The following SACS variants were observed in gnomAD, a reference collection of about 807,000 sequenced individuals.
SACS encodes sacsin.
Under a neutral mutation model 348.0 loss-of-function variants are expected in SACS, and 197 were observed. That is an observed-to-expected ratio of 0.57 (90% CI 0.50 to 0.64). SACS has a LOEUF of 0.64. Among genes scored for constraint, SACS ranks in the 30% least tolerant of loss-of-function variants. The probability of loss-of-function intolerance (pLI) is 0.00; values close to 1 mark genes in which losing one functional copy is unlikely to be tolerated. For synonymous variants in SACS, 1,985 were observed against 1,910.6 expected (o/e 1.04, Z -1.02); for missense variants, 4,999 against 5,360.8 (o/e 0.93, Z 2.11).
Position 23,333,401 on chromosome 13 carries a change from G to A in SACS, c.10475C>T (p.Ala3492Val), listed in dbSNP as rs1188730422. Residue 3492 changes from alanine (A) to valine (V), a missense_variant, in exon 10 of 10, where the codon GCA becomes GTA. Ala to Val is a moderately conservative substitution (Grantham distance 64). Coordinates refer to ENST00000382292, the MANE Select transcript of SACS (RefSeq NM_014363.6). The stretch of plus-strand genomic sequence containing the variant: ...AAGGTAGATCAAGTGCTCTAATTTT[G>A]CATCATAAGAGAGATTTTCAATTTT... ...LPKIENLSYD[A>V]KLEHLIYLKN... The A allele has an allele frequency of 6.2e-6, 10 of 1,606,438 alleles. No individual in the cohort carries two copies. Among genetic ancestry groups the A allele is most frequent in the Non-Finnish European group, 8.5e-6 (10 of 1,177,120 alleles).
At position 23,355,334 on chromosome 13, in the gene SACS, T is replaced by C; in HGVS notation, c.1278A>G (p.Leu426=). ...FVPIIGIAMP[L]SSRDDEAKGA... Reference sequence around the variant, plus strand: ...CTTTTGCTTCATCATCTCTGCTTGATAAAGGCATGGCTATTCCAATGATTG... The same window carrying C: ...CTTTTGCTTCATCATCTCTGCTTGACAAAGGCATGGCTATTCCAATGATTG... The change falls in exon 8 of 10, where the codon TTA becomes TTG. Residue 426 remains leucine (L), a synonymous_variant. Transcript: ENST00000382292. 1 of 1,614,136 alleles carries C rather than the reference T, an allele frequency of 6.2e-7. No homozygotes were observed. Among genetic ancestry groups the C allele is most frequent in the Non-Finnish European group, 8.5e-7 (1 of 1,180,048 alleles).
chr13:23,396,061 T>C (rs764042099), intron 2 of SACS, among the ~76,000 whole-genome samples: 2 of 152,148 alleles, frequency 1.3e-5, no homozygotes, highest in Admixed American at 1.3e-4. Flanking sequence ...CAGTAGTTCA[T>C]GCCTGTAATC....
intron 2 of SACS, among the ~76,000 whole-genome samples, chr13:23,393,905 C>A (rs887750458): frequency 6.6e-6 from 1 of 152,148 alleles, no homozygotes; most frequent in Non-Finnish European, 1.5e-5. Context: ...GGACTACAGG[C>A]GCCTGCCACC....
intron 9 of SACS, among the ~76,000 whole-genome samples, chr13:23,344,548 ATT>A (rs1189378795): frequency 6.6e-6 from 1 of 152,256 alleles, no homozygotes; most frequent in Non-Finnish European, 1.5e-5. Context: ...TATCCATTGT[ATT>A]TAAGACATTC....
At chr13:23,394,959 G>A (rs1430213990) in intron 2 of SACS, among the ~76,000 whole-genome samples, 1 of 152,180 alleles carries the variant, frequency 6.6e-6, no homozygotes, top group Non-Finnish European at 1.5e-5. Flanking sequence ...CTTTTCTTCA[G>A]TTCTGACTGA....
chr13:23,381,081 C>T (rs1360134123), intron 2 of SACS, among the ~76,000 whole-genome samples: 1 of 152,204 alleles, frequency 6.6e-6, no homozygotes, highest in Non-Finnish European at 1.5e-5. Flanking sequence ...AATCACGACG[C>T]AGGACCCAAA....
Position 23,339,167 on chromosome 13 carries a change from G to C in SACS, c.4709C>G (p.Pro1570Arg). 1 of 1,612,526 alleles carries C rather than the reference G, an allele frequency of 6.2e-7. No individual in the cohort carries two copies. Among genetic ancestry groups the C allele is most frequent in the Non-Finnish European group, 8.5e-7 (1 of 1,179,138 alleles). ...FNSVYHITDI[P>R]IIMSREFMIM... is the part of the protein sequence containing the mutation. ...CATGAATTCCCGACTCATAATGATGGGAATGTCAGTGATATGGTACACAGA... is the reference window on the plus strand; with the variant it reads ...CATGAATTCCCGACTCATAATGATGCGAATGTCAGTGATATGGTACACAGA... Residue 1570 changes from proline to arginine, a missense_variant, in exon 10 of 10, where the codon CCC (proline) becomes CGC (arginine). Coordinates refer to ENST00000382292, the MANE Select transcript of SACS (RefSeq NM_014363.6).
At chr13:23,399,928 C>A (rs1339784050) in intron 2 of SACS, among the ~76,000 whole-genome samples, 5 of 152,170 alleles carry the variant, frequency 3.3e-5, no homozygotes, top group Non-Finnish European at 5.9e-5. Flanking sequence ...TGATAAGCCC[C>A]CTCACCCTAA....
At chr13:23,426,639 C>T (rs908801350) in intron 1 of SACS, among the ~76,000 whole-genome samples, 13 of 113,080 alleles carry the variant, frequency 1.1e-4, no homozygotes, top group East Asian at 5.2e-4. Flanking sequence ...GACTCCGTCT[C>T]AAAAAAAAAA....
chr13:23,358,954 T>C (rs1202528793), intron 6 of SACS, among the ~76,000 whole-genome samples: 1 of 152,086 alleles, frequency 6.6e-6, no homozygotes, highest in East Asian at 1.9e-4. Context: ...CCAAAGCGTA[T>C]AGATCACCTG....
intron 7 of SACS, among the ~76,000 whole-genome samples, chr13:23,357,841 G>A (rs1870492329): frequency 6.6e-6 from 1 of 152,158 alleles, no homozygotes; most frequent in African/African-American, 2.4e-5. Context: ...TCTAAAAAGA[G>A]TAGAATGAGG....
Position 23,335,365 on chromosome 13 carries a change from T to TA in SACS, c.8510dup (p.Ser2838IlefsTer25). On this transcript the variant is annotated frameshift_variant, in exon 10 of 10. Coordinates refer to ENST00000382292, the MANE Select transcript of SACS (RefSeq NM_014363.6). LOFTEE classifies it high-confidence loss of function. This position sits in a 1 kb window ranked among gnomAD's most constrained non-coding sequence, Gnocchi z 4.7. ...TAATATCTTGGTTCTTGTGAGCTGA[T>TA]ATGACACTTTTAGATACTTTCTCCA... 6.2e-7 allele frequency: 1 copy of TA among 1,613,934 alleles called. No homozygotes were observed. The highest frequency in any genetic ancestry group is 8.5e-7 in the Non-Finnish European group (1 of 1,179,884).
chr13:23,353,140 T>A (rs1870079070), intron 9 of SACS, among the ~76,000 whole-genome samples: 1 of 152,188 alleles, frequency 6.6e-6, no homozygotes, highest in Non-Finnish European at 1.5e-5. Flanking sequence ...AGAACCATGT[T>A]GACTGTTTTC....
chr13:23,412,025 A>C (rs921113118), intron 1 of SACS, among the ~76,000 whole-genome samples: 2 of 152,268 alleles, frequency 1.3e-5, no homozygotes, highest in African/African-American at 2.4e-5. Context: ...TTTGGGAGGC[A>C]GAGGCGCGCA....
chr13:23,386,317 A>T (rs529355938), intron 2 of SACS, among the ~76,000 whole-genome samples: 1 of 152,360 alleles, frequency 6.6e-6, no homozygotes, highest in East Asian at 1.9e-4. Flanking sequence ...CATCTTCTGG[A>T]GAACTTGCTG....
chr13:23,350,284 G>A (rs982769815), intron 9 of SACS, among the ~76,000 whole-genome samples: 9 of 152,152 alleles, frequency 5.9e-5, no homozygotes, highest in Non-Finnish European at 1.0e-4. Context: ...TAAGGAGGAA[G>A]TACAGACAAT....
intron 2 of SACS, among the ~76,000 whole-genome samples, chr13:23,406,798 A>G (rs1193632067): frequency 1.3e-5 from 2 of 152,196 alleles, no homozygotes; most frequent in Non-Finnish European, 2.9e-5. Context: ...ATCTAATGAA[A>G]CCAGACATTT....
intron 1 of SACS, among the ~76,000 whole-genome samples, chr13:23,412,980 T>A (rs1593179638): frequency 6.6e-6 from 1 of 151,988 alleles, no homozygotes; most frequent in African/African-American, 2.4e-5. Flanking sequence ...ATGAGAAACT[T>A]TTTTTTTGTT....
At chr13:23,385,465 T>G (rs1028959268) in intron 2 of SACS, among the ~76,000 whole-genome samples, 1 of 151,978 alleles carries the variant, frequency 6.6e-6, no homozygotes, top group African/African-American at 2.4e-5. Context: ...GTTCAAGCGA[T>G]TCTCCTGCCT....
Sources: gnomAD v4.1 joint callset for allele counts (sites outside exome capture counted in the v4.1 genomes callset) on GRCh38, gnomAD v4.1.1 for gene constraint, Gnocchi (gnomAD v3.1) non-coding constraint, MANE v1.5 for transcripts, NCBI Gene and HGNC (gene_info 2026-07-23, HGNC 2026-07-21) for gene names.